ANO7: variants seen among roughly 807,000 people sequenced by gnomAD.
The protein encoded by ANO7 is anoctamin-7.
ANO7 carries 114 observed loss-of-function variants against 115.8 expected under a neutral mutation model. The observed-to-expected ratio is 0.98, with a 90% CI of 0.85 to 1.15. The LOEUF (loss-of-function observed/expected upper bound fraction) is 1.15. Among genes scored for constraint, ANO7 ranks in the 50% most tolerant of loss-of-function variants. The pLI is 0.00. For synonymous variants in ANO7, 550 were observed against 498.2 expected (o/e 1.10, Z -1.38); for missense variants, 1,302 against 1,201.2 (o/e 1.08, Z -1.24).
Position 241,209,350 on chromosome 2 carries a change from G to A in ANO7, c.1143G>A (p.Val381=). The part of the protein sequence containing the change: ...FFSLFMALWA[V]LLLEYWKRKS... ...GCTTGTTCATGGCACTGTGGGCCGT[G>A]CTGCTGCTGGAGTACTGGAAGCGGA... is the stretch of plus-strand genomic sequence containing the variant. The change falls in exon 12 of 25, where the codon GTG becomes GTA. Residue 381 remains valine, a synonymous_variant. Coordinates refer to ENST00000674324, the MANE Select transcript of ANO7 (RefSeq NM_001370694.2). 4 of 1,578,882 alleles carry A rather than the reference G, an allele frequency of 2.5e-6. No individual in the cohort carries two copies. The highest frequency in any genetic ancestry group is 3.4e-6 in the Non-Finnish European group (4 of 1,162,992).
At chr2:241,226,944 C>A (rs568542012), downstream of ANO7, among the ~76,000 whole-genome samples, 1 of 152,332 alleles carries the variant, frequency 6.6e-6, no homozygotes, top group South Asian at 2.1e-4. Flanking sequence ...TCATAACTCA[C>A]AGGCCGGGTC....
chr2:241,222,057 A>AC (rs1222581675), intron 21 of ANO7, among the ~76,000 whole-genome samples: 2 of 150,108 alleles, frequency 1.3e-5, no homozygotes. Context: ...ACACGGTGAA[A>AC]CCCCGTCTTG....
At chr2:241,189,539 G>T (rs551278976) in intron 1 of ANO7, among the ~76,000 whole-genome samples, 5 of 152,248 alleles carry the variant, frequency 3.3e-5, no homozygotes, top group Admixed American at 2.6e-4. Flanking sequence ...ACCCCCAAGA[G>T]TTGTGAGGCC....
At chr2:241,237,728 C>CAT in the ANO7 span, among the ~76,000 whole-genome samples, 64,975 of 151,926 alleles carry the variant, frequency 0.43, 14,452 homozygotes, top group East Asian at 0.82. Flanking sequence ...AGAAAAAAAA[C>CAT]GTGTGTAAAA....
chr2:241,225,476 G>T lies in ANO7; in HGVS notation c.*1323G>T, dbSNP rs1255061307. The T allele has an allele frequency of 6.6e-6, 1 of 152,194 alleles. No individual in the cohort carries two copies. Among genetic ancestry groups the T allele is most frequent in the Non-Finnish European group, 1.5e-5 (1 of 68,060 alleles). 9.4% of individuals were successfully genotyped at this position (152,194 alleles called of 1,614,324 possible). ...GGAGGCGGAGGTTGTAGTGAGCTGA[G>T]ATCTCAACACTGCACTACAGCCTGG... On this transcript the variant is annotated 3_prime_UTR_variant, in exon 25 of 25. Coordinates refer to ENST00000674324, the MANE Select transcript of ANO7 (RefSeq NM_001370694.2).
chr2:241,200,684 AT>A (rs2068450758), intron 6 of ANO7, among the ~76,000 whole-genome samples: 1 of 152,220 alleles, frequency 6.6e-6, no homozygotes, highest in Non-Finnish European at 1.5e-5. Context: ...CAGTTGCACT[AT>A]GGCACCAGGC....
intron 4 of ANO7, among the ~76,000 whole-genome samples, chr2:241,197,500 G>T (rs2068372245): frequency 6.6e-6 from 1 of 152,040 alleles, no homozygotes; most frequent in South Asian, 2.1e-4. Flanking sequence ...CATCTTCCCA[G>T]CTCAGCCTCC....
chr2:241,218,199 G>C, intron 20 of ANO7, 40 bp from the exon 21 acceptor site: 1 of 1,280,472 alleles, frequency 7.8e-7, no homozygotes, highest in Non-Finnish European at 9.9e-7. Flanking sequence ...GCGCAGGGGC[G>C]GAGCGGGGGC....
At chr2:241,236,432 G>A in the ANO7 span, 2 of 632,768 alleles carry the variant, frequency 3.2e-6, no homozygotes, top group Non-Finnish European at 5.5e-6. Context: ...AAGGGAAGTG[G>A]CCTCCCCAAA....
chr2:241,196,796 C>T (rs1351579978), intron 4 of ANO7, among the ~76,000 whole-genome samples: 1 of 151,974 alleles, frequency 6.6e-6, no homozygotes, highest in East Asian at 1.9e-4. Flanking sequence ...GACTTGTTCC[C>T]AGTCTGGGAT....
intron 7 of ANO7, 42 bp downstream of exon 7, chr2:241,201,397 G>C: frequency 6.3e-7 from 1 of 1,593,874 alleles, no homozygotes; most frequent in Non-Finnish European, 8.6e-7. Flanking sequence ...ACCCTGACCT[G>C]GCTCTGAGGA....
At chr2:241,226,260 CGT>C (rs1243309750), downstream of ANO7, among the ~76,000 whole-genome samples, 2 of 152,004 alleles carry the variant, frequency 1.3e-5, no homozygotes, top group East Asian at 3.9e-4. Flanking sequence ...TGGCGTCTGC[CGT>C]GGGACATTGC....
Position 241,195,857 on chromosome 2 carries a change from C to G in ANO7, c.309+12C>G. On this transcript the variant is annotated intron_variant, in intron 4 of 24. Transcript: ENST00000674324. ...TGTGTGTAGACCAGGTACGTGGAGG[C>G]TGTCATGGGCAGGGCCCTAGGCCCT... 6.2e-7 allele frequency: 1 copy of G among 1,614,204 alleles called. No individual in the cohort carries two copies.
At chr2:241,236,954 C>T in the ANO7 span, among the ~76,000 whole-genome samples, 1 of 141,758 alleles carries the variant, frequency 7.1e-6, no homozygotes, top group Non-Finnish European at 1.5e-5. Flanking sequence ...CCCACAGCAG[C>T]CTCAAAGAGG....
chr2:241,237,834 A>T, the ANO7 span, among the ~76,000 whole-genome samples: 4 of 152,242 alleles, frequency 2.6e-5, no homozygotes, highest in Non-Finnish European at 5.9e-5. Flanking sequence ...TAACCACTGA[A>T]GTGTAAAACA....
chr2:241,239,580 C>T, the ANO7 span: 1 of 1,605,190 alleles, frequency 6.2e-7, no homozygotes, highest in Non-Finnish European at 8.5e-7. The surrounding 1 kb of genome is among the most constrained non-coding windows in gnomAD (Gnocchi z 4.6). Context: ...GAGAACCCCT[C>T]CCCGAGCACC....
the ANO7 span, chr2:241,235,609 G>A: frequency 6.3e-7 from 1 of 1,586,640 alleles, no homozygotes; most frequent in Middle Eastern, 1.7e-4. Flanking sequence ...AGGGAGGATG[G>A]TCATGGTTAG....
intron 9 of ANO7, 50 bp from the exon 10 acceptor site, chr2:241,204,815 G>T: frequency 6.6e-7 from 1 of 1,508,742 alleles, no homozygotes. Flanking sequence ...CCTACCTGGG[G>T]CCCCCAAGCC....
At chr2:241,235,623 G>T in the ANO7 span, 13 of 1,519,514 alleles carry the variant, frequency 8.6e-6, no homozygotes, top group Middle Eastern at 1.7e-4. Context: ...TGGTTAGGCC[G>T]TGGGAGCTGA....
Sources: allele counts gnomAD v4.1 joint callset (sites outside exome capture counted in the v4.1 genomes callset), GRCh38; gene constraint gnomAD v4.1.1; non-coding constraint Gnocchi (gnomAD v3.1); transcripts MANE v1.5; gene names NCBI Gene and HGNC (gene_info 2026-07-23, HGNC 2026-07-21).